Variants in FER observed in about 807,000 individuals in gnomAD.
FER encodes the protein FER tyrosine kinase.
FER carries 63 observed loss-of-function variants against 111.0 expected under a neutral mutation model. That is an observed-to-expected ratio of 0.57 (90% CI 0.46 to 0.70). The LOEUF is 0.70. Ranked by LOEUF, FER falls within the 30% of genes least tolerant of loss-of-function variation. The probability of loss-of-function intolerance (pLI) is 0.00; values close to 1 mark genes in which losing one functional copy is unlikely to be tolerated. For missense variants in FER, 914 were observed against 954.0 expected (o/e 0.96, Z 0.55); for synonymous variants, 327 against 313.9 (o/e 1.04, Z -0.44).
At chr5:109,093,469 A>C (rs965631101) in intron 16 of FER, among the ~76,000 whole-genome samples, 7 of 152,198 alleles carry the variant, frequency 4.6e-5, no homozygotes, top group African/African-American at 1.7e-4. Flanking sequence ...TACGACCAAC[A>C]CATTCTCATA....
intron 16 of FER, among the ~76,000 whole-genome samples, chr5:109,097,030 TA>T (rs1200717124): frequency 6.7e-6 from 1 of 149,336 alleles, no homozygotes; most frequent in Non-Finnish European, 1.5e-5. Flanking sequence ...TAAATAGTAA[TA>T]GTATTTATTG....
chr5:108,767,561 T>C (rs1450257333), intron 1 of FER, among the ~76,000 whole-genome samples: 2 of 152,196 alleles, frequency 1.3e-5, no homozygotes, highest in Non-Finnish European at 2.9e-5. Flanking sequence ...CATGGCTCAC[T>C]GCAGCCTCAA....
chr5:109,128,233 T>A (rs577361733), intron 17 of FER, among the ~76,000 whole-genome samples: 6 of 152,218 alleles, frequency 3.9e-5, no homozygotes, highest in Admixed American at 3.9e-4. Flanking sequence ...ATACAAGTTT[T>A]TTTTTTTTAA....
chr5:109,161,499 C>A (rs117215719), intron 17 of FER, among the ~76,000 whole-genome samples: 1 of 151,860 alleles, frequency 6.6e-6, no homozygotes, highest in Non-Finnish European at 1.5e-5. Context: ...CACTTATAAG[C>A]GAGAATATGT....
At chr5:109,034,022 T>C (rs1382922722) in intron 13 of FER, among the ~76,000 whole-genome samples, 1 of 152,070 alleles carries the variant, frequency 6.6e-6, no homozygotes, top group Non-Finnish European at 1.5e-5. Context: ...TGTAGCAATT[T>C]TGAAGTAGAA....
At chr5:108,798,943 T>G (rs1756343518) in intron 3 of FER, among the ~76,000 whole-genome samples, 1 of 152,162 alleles carries the variant, frequency 6.6e-6, no homozygotes, top group Admixed American at 6.5e-5. Flanking sequence ...TGTTACAAAT[T>G]TTGGTTTCTT....
chr5:108,950,374 T>G (rs1459369281), intron 11 of FER, among the ~76,000 whole-genome samples: 1 of 152,186 alleles, frequency 6.6e-6, no homozygotes, highest in Non-Finnish European at 1.5e-5. Context: ...TTAAGAAATT[T>G]ATGAATAAAA....
rs747888523 is a variant in FER at position 108,867,799 on chromosome 5, G to A, written c.514G>A (p.Asp172Asn). The A allele has an allele frequency of 5.4e-5, 87 of 1,610,378 alleles. No individual in the cohort carries two copies. Among genetic ancestry groups the A allele is most frequent in the Non-Finnish European group, 6.9e-5 (81 of 1,178,864 alleles). The change falls in exon 6 of 20, where the codon GAC becomes AAC. Residue 172 changes from aspartate (D) to asparagine (N), a missense_variant. Asp to Asn is a conservative substitution (Grantham distance 23, BLOSUM62 1). Around this residue, in one of 3 missense-constraint regions of FER, gnomAD observed 774 missense variants for 782.6 expected, o/e 0.99. Coordinates refer to ENST00000281092, the MANE Select transcript of FER (RefSeq NM_005246.4). ...KETEKAKERYDKATMKLHMLH... is the reference protein window; with the variant it reads ...KETEKAKERYNKATMKLHMLH... ...AACTGAAAAGGCCAAGGAACGATAC[G>A]ACAAAGCCACAATGAAACTTCATAT...
chr5:108,850,574 T>C (rs1762456507), intron 5 of FER, among the ~76,000 whole-genome samples: 1 of 152,188 alleles, frequency 6.6e-6, no homozygotes, highest in South Asian at 2.1e-4. Flanking sequence ...ATGTGTTATC[T>C]CTTTTTTTAA....
At chr5:109,065,528 T>C (rs971465335) in intron 16 of FER, among the ~76,000 whole-genome samples, 4 of 152,142 alleles carry the variant, frequency 2.6e-5, no homozygotes, top group Non-Finnish European at 4.4e-5. Flanking sequence ...CTTCTCAAGT[T>C]TGTGGAAGCG....
intron 13 of FER, among the ~76,000 whole-genome samples, chr5:109,032,476 A>G (rs555963686): frequency 2.6e-5 from 4 of 151,964 alleles, no homozygotes; most frequent in East Asian, 3.9e-4. Context: ...CAAATTAACT[A>G]CTACTTGCAT....
intron 17 of FER, among the ~76,000 whole-genome samples, chr5:109,174,991 A>T (rs1207701693): frequency 1.3e-5 from 2 of 151,196 alleles, no homozygotes; most frequent in Non-Finnish European, 2.9e-5. Flanking sequence ...AGGAATGGAG[A>T]TCATAAGTAC....
chr5:109,105,097 A>T (rs1748732863), intron 17 of FER, among the ~76,000 whole-genome samples: 1 of 152,138 alleles, frequency 6.6e-6, no homozygotes, highest in Non-Finnish European at 1.5e-5. Context: ...GAAGGCTAAG[A>T]TTGCCAGGAA....
intron 18 of FER, among the ~76,000 whole-genome samples, chr5:109,182,460 T>G (rs1313183360): frequency 6.6e-6 from 1 of 152,180 alleles, no homozygotes; most frequent in Non-Finnish European, 1.5e-5. Context: ...TCTGGGGTGA[T>G]TGTTGTTATT....
At chr5:109,149,086 T>TAA (rs5870348) in intron 17 of FER, among the ~76,000 whole-genome samples, 4 of 151,784 alleles carry the variant, frequency 2.6e-5, no homozygotes, top group African/African-American at 7.2e-5. Context: ...TCTGATATAT[T>TAA]AAAAAAAATG....
At chr5:108,778,163 A>G (rs1377375353) in intron 2 of FER, among the ~76,000 whole-genome samples, 1 of 152,014 alleles carries the variant, frequency 6.6e-6, no homozygotes, top group African/African-American at 2.4e-5. Flanking sequence ...ATAATATTCC[A>G]TTGTTTGTAT....
chr5:108,995,803 A>T (rs1415163847), intron 13 of FER, among the ~76,000 whole-genome samples: 2 of 152,158 alleles, frequency 1.3e-5, no homozygotes, highest in African/African-American at 4.8e-5. Context: ...TGCTGGGTCA[A>T]ATGGTATTTC....
chr5:109,185,479 C>T (rs1052922261), intron 18 of FER, among the ~76,000 whole-genome samples: 2 of 152,118 alleles, frequency 1.3e-5, no homozygotes, highest in South Asian at 2.1e-4. Flanking sequence ...GGAAAGAAAA[C>T]GAAGTAGGCG....
At chr5:109,065,473 T>C (rs1436630931) in intron 16 of FER, among the ~76,000 whole-genome samples, 1 of 152,208 alleles carries the variant, frequency 6.6e-6, no homozygotes, top group Non-Finnish European at 1.5e-5. Context: ...AATTGTAAGT[T>C]AGCCTCTGTA....
Sources: gnomAD v4.1 joint callset for allele counts (sites outside exome capture counted in the v4.1 genomes callset) on GRCh38, gnomAD v4.1.1 for gene constraint, gnomAD v4.1.1 regional missense constraint, MANE v1.5 for transcripts, NCBI Gene and HGNC (gene_info 2026-07-23, HGNC 2026-07-21) for gene names.